SULF1: variants seen among roughly 807,000 people sequenced by gnomAD.
SULF1 encodes the protein extracellular sulfatase Sulf-1.
A neutral mutation model predicts 110.5 loss-of-function variants in SULF1; 46 were observed. The ratio of observed to expected loss-of-function variants is 0.42; its 90% CI spans 0.33 to 0.53. The LOEUF (loss-of-function observed/expected upper bound fraction) is 0.53, where lower values mean the gene tolerates loss of function less well. Among genes scored for constraint, SULF1 ranks in the 20% least tolerant of loss-of-function variants. The probability of loss-of-function intolerance (pLI) is 0.12; values close to 1 mark genes in which losing one functional copy is unlikely to be tolerated. For synonymous variants in SULF1, 371 were observed against 387.1 expected, an observed-to-expected ratio of 0.96 and a Z score of 0.49; for missense variants, 941 against 1,094.2, an observed-to-expected ratio of 0.86 and a Z score of 1.98.
intron 19 of SULF1, among the ~76,000 whole-genome samples, chr8:69,631,243 A>T (rs186490878): frequency 3.3e-5 from 5 of 152,300 alleles, no homozygotes; most frequent in African/African-American, 1.2e-4. Context: ...ACAGGGTTAT[A>T]GTTGCTTATG....
chr8:69,589,620 T>G (rs1440277389), intron 8 of SULF1, among the ~76,000 whole-genome samples: 1 of 151,956 alleles, frequency 6.6e-6, no homozygotes, highest in Non-Finnish European at 1.5e-5. Flanking sequence ...GCAGCTTGAG[T>G]GGCTTGCCCA....
chr8:69,619,520 A>G (rs1475239243), intron 13 of SULF1, among the ~76,000 whole-genome samples: 2 of 152,258 alleles, frequency 1.3e-5, no homozygotes, highest in Non-Finnish European at 2.9e-5. Context: ...CACTTAGTCC[A>G]GAGGCAATGT....
chr8:69,523,825 A>C (rs1812485595), intron 3 of SULF1, among the ~76,000 whole-genome samples: 1 of 152,092 alleles, frequency 6.6e-6, no homozygotes. Flanking sequence ...AGTGGGATGC[A>C]TGGAACCAAG....
At chr8:69,625,900 A>T (rs943658151) in intron 15 of SULF1, 1 of 152,206 alleles carries the variant, frequency 6.6e-6, no homozygotes, top group Non-Finnish European at 1.5e-5. Context: ...CAGGGTGCTG[A>T]TTGGTGCATT....
intron 5 of SULF1, among the ~76,000 whole-genome samples, chr8:69,568,868 A>G (rs1017093661): frequency 1.3e-5 from 2 of 152,208 alleles, no homozygotes; most frequent in Non-Finnish European, 2.9e-5. Context: ...TTCAAAACTG[A>G]AAAAATATAT....
intron 1 of SULF1, among the ~76,000 whole-genome samples, chr8:69,486,322 T>A (rs549884614): frequency 9.5e-4 from 142 of 150,244 alleles, no homozygotes; most frequent in South Asian, 6.3e-3. Context: ...AGGCTTTTTT[T>A]AAAAAAAAAA....
chr8:69,494,915 G>A (rs1031810064), intron 1 of SULF1, among the ~76,000 whole-genome samples: 7 of 151,332 alleles, frequency 4.6e-5, no homozygotes, highest in Non-Finnish European at 1.0e-4. Flanking sequence ...AGAGACTATT[G>A]TAGTGTTCCA....
At chr8:69,627,513 T>A (rs550063923) in intron 16 of SULF1, among the ~76,000 whole-genome samples, 1 of 152,348 alleles carries the variant, frequency 6.6e-6, no homozygotes, top group South Asian at 2.1e-4. Context: ...GACTGGGAAC[T>A]GACTCAATGG....
rs1812970679 is a variant in SULF1 at position 69,659,453 on chromosome 8, C to A, written c.*918C>A. 6.1e-6 allele frequency: 2 copies of A among 329,582 alleles called. No individual in the cohort carries two copies. The highest frequency in any genetic ancestry group is 5.9e-6 in the Non-Finnish European group (1 of 169,466). 20.4% of individuals were successfully genotyped at this position (329,582 alleles called of 1,614,324 possible). On this transcript the variant is annotated 3_prime_UTR_variant, in exon 23 of 23. Coordinates refer to ENST00000402687, the MANE Select transcript of SULF1 (RefSeq NM_001128205.2). The stretch of plus-strand genomic sequence containing the variant: ...CCTTTGTGCAGTAGAAGCTAGTGAG[C>A]ATGTGAGCAAGCGGTGTGCACACGG...
intron 8 of SULF1, among the ~76,000 whole-genome samples, chr8:69,589,959 G>C (rs941208828): frequency 6.6e-6 from 1 of 152,182 alleles, no homozygotes; most frequent in African/African-American, 2.4e-5. Context: ...GGGAGACAGG[G>C]AACAGAAAAT....
chr8:69,593,837 A>G (rs1363061636), intron 8 of SULF1, among the ~76,000 whole-genome samples: 2 of 152,092 alleles, frequency 1.3e-5, no homozygotes, highest in Non-Finnish European at 2.9e-5. Context: ...ATTTCCCCAG[A>G]ATCTCCATAG....
At chr8:69,642,788 T>C (rs2130695627) in intron 22 of SULF1, among the ~76,000 whole-genome samples, 1 of 152,310 alleles carries the variant, frequency 6.6e-6, no homozygotes, top group South Asian at 2.1e-4. Context: ...TCATTCTCCA[T>C]GAAGTCACCC....
rs1348897605 is a variant in SULF1 at position 69,616,225 on chromosome 8, TA to T, written c.1378-4809del. 1.4e-3 allele frequency among the ~76,000 whole-genome samples: 200 copies of T among 145,298 alleles called. 4 individuals are homozygous for T. In the East Asian group the frequency reaches 0.026, roughly 19 times the overall value. On this transcript the variant is annotated intron_variant, in intron 13 of 22. Coordinates refer to ENST00000402687, the MANE Select transcript of SULF1 (RefSeq NM_001128205.2). ...ATATGTGTGTGTATATATATATATA[TA>T]TATATTTTTTTGAGACGGAGTCTTG...
intron 8 of SULF1, among the ~76,000 whole-genome samples, chr8:69,592,105 G>A (rs1268972383): frequency 1.3e-5 from 2 of 152,130 alleles, no homozygotes; most frequent in Non-Finnish European, 2.9e-5. Context: ...ATGGACCAAG[G>A]CTTCAAAGTG....
chr8:69,597,255 A>G (rs1807414322), intron 8 of SULF1: 1 of 152,214 alleles, frequency 6.6e-6, no homozygotes, highest in African/African-American at 2.4e-5. Flanking sequence ...GGCCTTTGGC[A>G]AAAGATCACT....
At chr8:69,547,072 A>G (rs1434083988) in intron 3 of SULF1, among the ~76,000 whole-genome samples, 3 of 152,208 alleles carry the variant, frequency 2.0e-5, no homozygotes, top group African/African-American at 4.8e-5. Flanking sequence ...AAACAACAAG[A>G]TAAAAATGGA....
At chr8:69,585,979 A>G (rs890148184) in intron 6 of SULF1, among the ~76,000 whole-genome samples, 1 of 152,204 alleles carries the variant, frequency 6.6e-6, no homozygotes, top group South Asian at 2.1e-4. Flanking sequence ...CAGTTCTCCA[A>G]CACCTGCCCG....
intron 22 of SULF1, among the ~76,000 whole-genome samples, chr8:69,654,147 T>C (rs1312666318): frequency 6.6e-6 from 1 of 152,244 alleles, no homozygotes; most frequent in Non-Finnish European, 1.5e-5. Context: ...TCTGAGCCTT[T>C]TTCAAGCTGT....
chr8:69,657,829 A>G (rs1445284270), intron 22 of SULF1, among the ~76,000 whole-genome samples: 1 of 152,226 alleles, frequency 6.6e-6, no homozygotes, highest in African/African-American at 2.4e-5. Context: ...CATCCTGGAG[A>G]TGTAGAAAGA....
Sources: allele counts gnomAD v4.1 joint callset (sites outside exome capture counted in the v4.1 genomes callset), GRCh38; gene constraint gnomAD v4.1.1; transcripts MANE v1.5; gene names NCBI Gene and HGNC (gene_info 2026-07-23, HGNC 2026-07-21).